Variants in CSMD1 observed in about 807,000 individuals in gnomAD.
CSMD1 encodes the protein CUB and sushi domain-containing protein 1.
In CSMD1, 213 loss-of-function variants were observed where a neutral mutation model predicts 417.5. That is an observed-to-expected ratio of 0.51 (90% CI 0.46 to 0.57). The LOEUF is 0.57. Among genes scored for constraint, CSMD1 ranks in the 20% least tolerant of loss-of-function variants. The pLI, the probability that CSMD1 is intolerant of heterozygous loss-of-function variation, is 0.00. For synonymous variants in CSMD1, 2,862 were observed against 1,736.8 expected, an observed-to-expected ratio of 1.65 and a Z score of -16.11; for missense variants, 6,923 against 4,529.7, an observed-to-expected ratio of 1.53 and a Z score of -15.17.
intron 18 of CSMD1, among the ~76,000 whole-genome samples, chr8:3,385,003 A>G (rs1257691599): frequency 1.6e-5 from 1 of 60,904 alleles, no homozygotes; most frequent in Admixed American, 3.1e-4. Context: ...TATGCTATTT[A>G]TATATAAATA....
intron 22 of CSMD1, among the ~76,000 whole-genome samples, chr8:3,345,484 G>C (rs945473672): frequency 2.0e-5 from 3 of 152,092 alleles, no homozygotes; most frequent in Non-Finnish European, 1.5e-5. Flanking sequence ...GTTTCGCACT[G>C]ATCACAAATA....
chr8:4,864,322 A>T (rs1802303142), intron 1 of CSMD1, among the ~76,000 whole-genome samples: 1 of 151,804 alleles, frequency 6.6e-6, no homozygotes, highest in African/African-American at 2.4e-5. Context: ...GATGATGCCA[A>T]ATTGACGACA....
intron 12 of CSMD1, among the ~76,000 whole-genome samples, chr8:3,432,102 G>A (rs1019732468): frequency 6.6e-6 from 1 of 152,114 alleles, no homozygotes; most frequent in Non-Finnish European, 1.5e-5. Flanking sequence ...GAACCCAGTT[G>A]GTAGTTATCA....
chr8:3,399,150 G>A (rs1205243169), intron 16 of CSMD1, among the ~76,000 whole-genome samples: 2 of 152,146 alleles, frequency 1.3e-5, no homozygotes, highest in Admixed American at 1.3e-4. Flanking sequence ...CGGACCTCGG[G>A]AATGGTCCTC....
At chr8:4,250,015 G>T (rs1022266646) in intron 3 of CSMD1, among the ~76,000 whole-genome samples, 1 of 152,040 alleles carries the variant, frequency 6.6e-6, no homozygotes, top group African/African-American at 2.4e-5. Flanking sequence ...GGTCATAAGG[G>T]CTCTGTACCC....
intron 1 of CSMD1, among the ~76,000 whole-genome samples, chr8:4,801,872 C>T (rs1467088655): frequency 6.6e-6 from 1 of 152,120 alleles, no homozygotes; most frequent in African/African-American, 2.4e-5. Flanking sequence ...ACTTGGCAAG[C>T]CCAATGTATT....
chr8:3,779,988 C>T (rs899134120), intron 5 of CSMD1, among the ~76,000 whole-genome samples: 2 of 152,164 alleles, frequency 1.3e-5, no homozygotes, highest in Non-Finnish European at 2.9e-5. Context: ...ATGTGAACTT[C>T]CAAGCTCCTT....
In CSMD1 at chr8:3,572,912, T is replaced by C. The variant is rs144606021; in HGVS notation, c.1344+2033A>G. Among the ~76,000 whole-genome samples, 424 of 152,330 alleles carry C rather than the reference T, an allele frequency of 2.8e-3. 4 individuals are homozygous for C. Among genetic ancestry groups the C allele is most frequent in the African/African-American group, 9.9e-3 (410 of 41,570 alleles). The stretch of plus-strand genomic sequence containing the variant: ...TCTAAATTCTCAATATCATATGATT[T>C]TCTGGAGACCAAACAGAATATTCTA... On this transcript the variant is annotated intron_variant, in intron 10 of 69. Coordinates refer to ENST00000635120, the MANE Select transcript of CSMD1 (RefSeq NM_033225.6).
At chr8:4,772,615 T>C (rs1419071500) in intron 1 of CSMD1, among the ~76,000 whole-genome samples, 5 of 152,182 alleles carry the variant, frequency 3.3e-5, no homozygotes, top group Admixed American at 2.6e-4. Context: ...TTTCTTAGTA[T>C]TTTTATCATA....
At chr8:3,025,152 AACTGTGTATTGTGTGGTGTTATTCTGAT>A (rs1269153733) in intron 51 of CSMD1, among the ~76,000 whole-genome samples, 14 of 148,220 alleles carry the variant, frequency 9.4e-5, no homozygotes, top group African/African-American at 3.1e-4. Flanking sequence ...GTTATTCTGA[AACTGTGTATTGTGTGGTGTTATTCTGAT>A]ACCGTGTATT....
intron 10 of CSMD1, among the ~76,000 whole-genome samples, 174 bp from the exon 11 acceptor site, chr8:3,493,900 G>A (rs1205788762): frequency 3.9e-5 from 6 of 152,050 alleles, no homozygotes; most frequent in Non-Finnish European, 8.8e-5. Flanking sequence ...TTGATAGCCT[G>A]GCATTATAGA....
At chr8:4,757,011 T>G (rs1275859018) in intron 1 of CSMD1, among the ~76,000 whole-genome samples, 2 of 152,310 alleles carry the variant, frequency 1.3e-5, no homozygotes, top group Non-Finnish European at 2.9e-5. Context: ...TAGATTTTAT[T>G]AGTAGACTGT....
At chr8:4,804,210 T>C in intron 1 of CSMD1, among the ~76,000 whole-genome samples, 1 of 152,180 alleles carries the variant, frequency 6.6e-6, no homozygotes, top group East Asian at 1.9e-4. Context: ...ATTTAAACCA[T>C]ATTTAACTAG....
chr8:3,690,728 T>G (rs2624076), intron 7 of CSMD1, among the ~76,000 whole-genome samples: 20,439 of 152,158 alleles, frequency 0.13, 1,414 homozygotes, highest in African/African-American at 0.18. Context: ...TTTGCCACAG[T>G]TTGTACTGAG....
At chr8:3,390,945 G>A (rs955723778) in intron 17 of CSMD1, among the ~76,000 whole-genome samples, 12 of 152,136 alleles carry the variant, frequency 7.9e-5, no homozygotes, top group African/African-American at 2.9e-4. Flanking sequence ...GATAAAGCCA[G>A]TGAGCCAAGA....
At chr8:4,317,657 G>A (rs1003337037) in intron 3 of CSMD1, among the ~76,000 whole-genome samples, 62 of 151,948 alleles carry the variant, frequency 4.1e-4, no homozygotes, top group Non-Finnish European at 3.2e-4. Flanking sequence ...CTGACAAGCA[G>A]GAAGTTTAAA....
At chr8:2,986,129 A>T (rs1009030678) in intron 54 of CSMD1, among the ~76,000 whole-genome samples, 3 of 152,150 alleles carry the variant, frequency 2.0e-5, no homozygotes, top group Non-Finnish European at 2.9e-5. Context: ...GGTGTGATAA[A>T]AGAAATACGT....
intron 2 of CSMD1, among the ~76,000 whole-genome samples, chr8:4,431,017 G>A (rs558792663): frequency 1.8e-4 from 28 of 152,042 alleles, no homozygotes; most frequent in African/African-American, 3.1e-4. Context: ...GAAAGACTTC[G>A]CATAAGACCT....
At chr8:3,233,459 T>C (rs1472078804) in intron 26 of CSMD1, among the ~76,000 whole-genome samples, 1 of 152,190 alleles carries the variant, frequency 6.6e-6, no homozygotes, top group Non-Finnish European at 1.5e-5. Flanking sequence ...TTTATTTTCT[T>C]TATAAATTAC....
Sources: gnomAD v4.1 joint callset for allele counts (sites outside exome capture counted in the v4.1 genomes callset) on GRCh38, gnomAD v4.1.1 for gene constraint, MANE v1.5 for transcripts, NCBI Gene and HGNC (gene_info 2026-07-23, HGNC 2026-07-21) for gene names.